The following MIEF1 variants were observed in gnomAD, a reference collection of about 807,000 sequenced individuals.
MIEF1 encodes mitochondrial dynamics protein MIEF1.
MIEF1 carries 14 observed loss-of-function variants against 35.1 expected under a neutral mutation model. The ratio of observed to expected loss-of-function variants is 0.40; its 90% confidence interval spans 0.26 to 0.62. The LOEUF (loss-of-function observed/expected upper bound fraction) is 0.62, where lower values mean the gene tolerates loss of function less well. MIEF1 is among the 20% of genes least tolerant of loss of function. The probability of loss-of-function intolerance (pLI) is 0.43; values close to 1 mark genes in which losing one functional copy is unlikely to be tolerated. For synonymous variants in MIEF1, 245 were observed against 254.3 expected (o/e 0.96, Z 0.35); for missense variants, 542 against 615.4 (o/e 0.88, Z 1.26).
intron 2 of MIEF1, among the ~76,000 whole-genome samples, chr22:39,506,589 G>A (rs1353996540): frequency 3.9e-5 from 6 of 152,116 alleles, no homozygotes; most frequent in Non-Finnish European, 8.8e-5. Context: ...ACCTAGTCTC[G>A]TACATACTCA....
In MIEF1 at chr22:39,515,692, A is replaced by C; in HGVS notation, c.*1369A>C. On this transcript the variant is annotated 3_prime_UTR_variant, in exon 6 of 6. Transcript: ENST00000325301. ...GAAGGTGGGGAGGAATGTTTAATCT[A>C]CCATGTCCGTGTGTCATCTTGGTTT... 1 of 285,930 alleles carries C rather than the reference A, an allele frequency of 3.5e-6. No individual in the cohort carries two copies. Among genetic ancestry groups the C allele is most frequent in the Non-Finnish European group, 6.6e-6 (1 of 152,200 alleles). 17.7% of individuals were successfully genotyped at this position (285,930 alleles called of 1,614,324 possible). A position where few individuals can be genotyped will look rare whatever the true frequency, so the allele number is the denominator to read the frequency against.
At position 39,514,928 on chromosome 22, in the gene MIEF1, C is replaced by T. The variant is rs1930578641; in HGVS notation, c.*605C>T. ...TTCCTGGAGTAGAAGTCCATCCTCC[C>T]CCCAACCTCCTGACCCATTCATAAA... On this transcript the variant is annotated 3_prime_UTR_variant, in exon 6 of 6. Transcript: ENST00000325301. 9.5e-6 allele frequency: 3 copies of T among 315,414 alleles called. No homozygotes were observed. The highest frequency in any genetic ancestry group is 1.0e-4 in the South Asian group (2 of 19,902). The allele number at this position is 315,414 out of a possible 1,614,324, so 19.5% of individuals were successfully genotyped here. A position where few individuals can be genotyped will look rare whatever the true frequency, so the allele number is the denominator to read the frequency against.
At chr22:39,506,190 G>A (rs1303245121) in intron 2 of MIEF1, among the ~76,000 whole-genome samples, 2 of 152,102 alleles carry the variant, frequency 1.3e-5, no homozygotes. Flanking sequence ...GAAACAAAAC[G>A]CCGTAGAGTT....
intron 2 of MIEF1, among the ~76,000 whole-genome samples, chr22:39,507,300 A>G (rs1930067349): frequency 6.6e-6 from 1 of 152,076 alleles, no homozygotes; most frequent in South Asian, 2.1e-4. Context: ...GCTGGAGTGC[A>G]GTGGGTGCAA....
intron 2 of MIEF1, among the ~76,000 whole-genome samples, chr22:39,507,530 C>T (rs947239799): frequency 6.7e-6 from 1 of 149,676 alleles, no homozygotes. Flanking sequence ...CAGGCGTGAG[C>T]CACCGTACCC....
In MIEF1 at chr22:39,513,982, G is replaced by A. The variant is rs1178050900; in HGVS notation, c.1051G>A (p.Ala351Thr). Residue 351 changes from alanine (A) to threonine (T), a missense_variant, in exon 6 of 6, where the codon GCT becomes ACT. Ala to Thr is a moderately conservative substitution (Grantham distance 58). Coordinates refer to ENST00000325301, the MANE Select transcript of MIEF1 (RefSeq NM_019008.6). ...TCCCGCGGAGACGGCACGCCTGCGG[G>A]CTCTGGACCAGGCTGACTCGGGCTG... ...LRPAETARLR[A>T]LDQADSGCRS... 2.5e-6 allele frequency: 4 copies of A among 1,613,032 alleles called. No homozygotes were observed. The South Asian group carries it at 4.4e-5, about 18-fold the overall frequency.
Position 39,513,797 on chromosome 22 carries a change from C to T in MIEF1, c.866C>T (p.Pro289Leu), listed in dbSNP as rs142835569. The T allele has an allele frequency of 3.2e-5, 52 of 1,614,130 alleles. No homozygotes were observed. Among genetic ancestry groups the T allele is most frequent in the South Asian group, 1.6e-4 (15 of 91,084 alleles). ...IGSLLDYVIR[P>L]APPPEALTLE... ...TCCCTCTTGGACTATGTGATCCGCC[C>T]GGCCCCACCCCCAGAAGCCCTCACA... The change falls in exon 6 of 6, where the codon CCG becomes CTG. Residue 289 changes from proline to leucine, a missense_variant. Physicochemically the swap from Pro to Leu is moderately conservative, Grantham distance 98. Transcript: ENST00000325301.
At position 39,515,514 on chromosome 22, in the gene MIEF1, T is replaced by G. The variant is rs1181901313; in HGVS notation, c.*1191T>G. On this transcript the variant is annotated 3_prime_UTR_variant, in exon 6 of 6. Transcript: ENST00000325301. ...TGAGCATGCACGGACCTCTTCCCCC[T>G]GTCCTGTTTCTCACCCAGCACCTGG... is the stretch of plus-strand genomic sequence containing the variant. The G allele has an allele frequency of 6.6e-6, 4 of 605,950 alleles. No individual in the cohort carries two copies. Among genetic ancestry groups the G allele is most frequent in the Non-Finnish European group, 3.0e-6 (1 of 337,428 alleles). 37.5% of individuals were successfully genotyped at this position (605,950 alleles called of 1,614,324 possible). A position where few individuals can be genotyped will look rare whatever the true frequency, so the allele number is the denominator to read the frequency against.
chr22:39,510,011 T>G (rs1215834976), intron 2 of MIEF1, among the ~76,000 whole-genome samples: 7 of 152,244 alleles, frequency 4.6e-5, no homozygotes. Flanking sequence ...CAGGCTAGAG[T>G]GCAATCGTGT....
In MIEF1 at chr22:39,512,408, G is replaced by A; in HGVS notation, c.499G>A (p.Glu167Lys). The change falls in exon 5 of 6, where the codon GAG becomes AAG. Residue 167 changes from glutamate (E) to lysine (K), a missense_variant. Physicochemically the swap from Glu to Lys is moderately conservative, Grantham distance 56. Coordinates refer to ENST00000325301, the MANE Select transcript of MIEF1 (RefSeq NM_019008.6). ...AKQAAVDICA[E>K]LRSFLRAKLP... is the part of the protein sequence containing the mutation. The stretch of plus-strand genomic sequence containing the variant: ...GCAAGCTGCTGTGGACATATGTGCC[G>A]AGCTCCGGAGCTTCCTGCGGGCCAA... 4 of 1,614,142 alleles carry A rather than the reference G, an allele frequency of 2.5e-6. No individual in the cohort carries two copies. Among genetic ancestry groups the A allele is most frequent in the South Asian group, 1.1e-5 (1 of 91,088 alleles).
At chr22:39,512,610 C>T in intron 5 of MIEF1, 116 bp downstream of exon 5, 3 of 1,310,718 alleles carry the variant, frequency 2.3e-6, no homozygotes, top group Non-Finnish European at 3.1e-6. Flanking sequence ...GCTTCCGAAT[C>T]CTGTGTACCT....
At chr22:39,503,589 C>A (rs1929864530) in intron 1 of MIEF1, 1 of 152,218 alleles carries the variant, frequency 6.6e-6, no homozygotes, top group African/African-American at 2.4e-5. Flanking sequence ...TGATAGAGTG[C>A]TTCGTGTGTG....
At chr22:39,512,853 C>T (rs1013770426) in intron 5 of MIEF1, among the ~76,000 whole-genome samples, 3 of 151,940 alleles carry the variant, frequency 2.0e-5, no homozygotes, top group African/African-American at 7.3e-5. Context: ...TTTGCCATGC[C>T]GGTCAGGCTG....
chr22:39,512,486 G>A lies in MIEF1; in HGVS notation c.577G>A (p.Asp193Asn), dbSNP rs780151482. ...DMYLSGSLYD[D>N]LQVVTADHIQ... Reference sequence around the variant, plus strand: ...GTACTTGAGTGGCAGCCTCTACGATGACCTGCAGGTAACAAGGTGGTTCTC... The same window carrying A: ...GTACTTGAGTGGCAGCCTCTACGATAACCTGCAGGTAACAAGGTGGTTCTC... Residue 193 changes from aspartate (D) to asparagine (N), a missense_variant, in exon 5 of 6, where the codon GAC becomes AAC. Asp to Asn is a conservative substitution (Grantham distance 23, BLOSUM62 1). Transcript: ENST00000325301. 1.6e-5 allele frequency: 25 copies of A among 1,610,510 alleles called. 1 individual carries two copies. In the South Asian group the frequency reaches 2.2e-4, roughly 14 times the overall value.
At chr22:39,505,431 A>G (rs992278544) in intron 2 of MIEF1, among the ~76,000 whole-genome samples, 1 of 152,054 alleles carries the variant, frequency 6.6e-6, no homozygotes, top group African/African-American at 2.4e-5. Flanking sequence ...GCCTCAAGCG[A>G]TCCTCCCACC....
chr22:39,511,012 A>G (rs1355366381), intron 2 of MIEF1, among the ~76,000 whole-genome samples: 1 of 152,236 alleles, frequency 6.6e-6, no homozygotes, highest in Non-Finnish European at 1.5e-5. Flanking sequence ...TTGTAATACA[A>G]AAAAGGACTG....
intron 2 of MIEF1, among the ~76,000 whole-genome samples, chr22:39,506,678 C>T (rs1298805105): frequency 6.6e-6 from 1 of 152,160 alleles, no homozygotes; most frequent in African/African-American, 2.4e-5. Context: ...GTGCTGTCAT[C>T]CTAGGAAGCC....
upstream of MIEF1, among the ~76,000 whole-genome samples, chr22:39,500,952 C>T (rs954254909): frequency 1.3e-5 from 2 of 152,164 alleles, no homozygotes; most frequent in Non-Finnish European, 2.9e-5. Context: ...CCACCTCAGC[C>T]TCCCAAAGTG....
At chr22:39,511,262 T>A (rs368838536) in intron 2 of MIEF1, 26 bp from the exon 3 acceptor site, 205 of 1,613,074 alleles carry the variant, frequency 1.3e-4, no homozygotes, top group Non-Finnish European at 1.7e-4. Context: ...CCAGTACTTA[T>A]GGCCGTGTTC....
Sources: allele counts gnomAD v4.1 joint callset (sites outside exome capture counted in the v4.1 genomes callset), GRCh38; gene constraint gnomAD v4.1.1; transcripts MANE v1.5; gene names NCBI Gene and HGNC (gene_info 2026-07-23, HGNC 2026-07-21).